The following PSEN1 variants were observed in gnomAD, a reference collection of about 807,000 sequenced individuals.
The protein encoded by PSEN1 is presenilin 1, also known as presenilin-1.
A neutral mutation model predicts 53.5 loss-of-function variants in PSEN1; 15 were observed. That is an observed-to-expected ratio of 0.28 (90% CI 0.19 to 0.43). The LOEUF (loss-of-function observed/expected upper bound fraction) is 0.43, where lower values mean the gene tolerates loss of function less well. Among genes scored for constraint, PSEN1 ranks in the 20% least tolerant of loss-of-function variants. PSEN1 has a pLI of 1.00. For synonymous variants in PSEN1, 208 were observed against 209.8 expected (o/e 0.99, Z 0.08); for missense variants, 387 against 571.2 (o/e 0.68, Z 3.29).
At chr14:73,194,826 CCAAAGTGTTG>C (rs1371795226) in intron 7 of PSEN1, among the ~76,000 whole-genome samples, 1 of 152,104 alleles carries the variant, frequency 6.6e-6, no homozygotes, top group Non-Finnish European at 1.5e-5. Context: ...CCTCGGCCTC[CCAAAGTGTTG>C]GGATTACAGG....
chr14:73,187,725 T>C (rs1179504572), intron 6 of PSEN1, among the ~76,000 whole-genome samples: 1 of 152,178 alleles, frequency 6.6e-6, no homozygotes, highest in African/African-American at 2.4e-5. Context: ...GGAAATTCTG[T>C]TAAACCTTTA....
At chr14:73,138,159 A>T (rs147290304) in intron 1 of PSEN1, 209 of 151,462 alleles carry the variant, frequency 1.4e-3, no homozygotes, top group African/African-American at 4.8e-3. Context: ...CAAGGTGATT[A>T]TCCCTATTTT....
chr14:73,148,357 C>T (rs746371742), intron 3 of PSEN1, among the ~76,000 whole-genome samples: 10 of 152,178 alleles, frequency 6.6e-5, no homozygotes, highest in African/African-American at 9.7e-5. Context: ...AGGTGTGCAG[C>T]GCCTCATAGT....
In PSEN1 at chr14:73,220,048, A is replaced by T. The variant is rs1900083581; in HGVS notation, c.*759A>T. The T allele has an allele frequency of 6.6e-6, 1 of 152,318 alleles. No individual in the cohort carries two copies. Among genetic ancestry groups the T allele is most frequent in the African/African-American group, 2.4e-5 (1 of 41,452 alleles). 9.4% of individuals were successfully genotyped at this position (152,318 alleles called of 1,614,324 possible). ...TTTAACCTCAGGTTCCAAATTCAGTAAATTTTGGAAACAGTACAGCTATTT... is the reference window on the plus strand; with the variant it reads ...TTTAACCTCAGGTTCCAAATTCAGTTAATTTTGGAAACAGTACAGCTATTT... On this transcript the variant is annotated 3_prime_UTR_variant, in exon 12 of 12. Coordinates refer to ENST00000324501, the MANE Select transcript of PSEN1 (RefSeq NM_000021.4).
chr14:73,203,339 C>T (rs1899308661), intron 8 of PSEN1, among the ~76,000 whole-genome samples: 1 of 152,168 alleles, frequency 6.6e-6, no homozygotes, highest in Admixed American at 6.5e-5. Flanking sequence ...CTACCCGCCT[C>T]ACCCTCCCAA....
intron 5 of PSEN1, among the ~76,000 whole-genome samples, chr14:73,183,652 G>T (rs1235891209): frequency 6.6e-6 from 1 of 151,768 alleles, no homozygotes; most frequent in South Asian, 2.1e-4. Context: ...GGCAGAAGAA[G>T]TTTTCTTAGT....
chr14:73,173,883 C>A, intron 5 of PSEN1, 176 bp downstream of exon 5: 1 of 793,356 alleles, frequency 1.3e-6, no homozygotes, highest in Non-Finnish European at 2.1e-6. Flanking sequence ...AAAAAGGAAG[C>A]CAGGTGCATG....
intron 8 of PSEN1, among the ~76,000 whole-genome samples, chr14:73,199,536 T>C (rs1416068357): frequency 2.0e-5 from 3 of 152,226 alleles, no homozygotes; most frequent in Non-Finnish European, 4.4e-5. Context: ...TTAGATCATT[T>C]CCATTTATTT....
At chr14:73,141,340 G>A (rs1414786306) in intron 1 of PSEN1, among the ~76,000 whole-genome samples, 1 of 152,100 alleles carries the variant, frequency 6.6e-6, no homozygotes, top group Non-Finnish European at 1.5e-5. Flanking sequence ...CACCAAATGG[G>A]ATGTATCACT....
At position 73,160,932 on chromosome 14, in the gene PSEN1, A is replaced by G. The variant is rs148841069; in HGVS notation, c.88-9865A>G. Among the ~76,000 whole-genome samples, 11 of 111,532 alleles carry G rather than the reference A, an allele frequency of 9.9e-5. No individual in the cohort carries two copies. The East Asian group carries it at 3.2e-3, about 32-fold the overall frequency. The allele number at this position is 111,532 out of a possible 152,430, so 73.2% of individuals were successfully genotyped here. A position where few individuals can be genotyped will look rare whatever the true frequency, so the allele number is the denominator to read the frequency against. On this transcript the variant is annotated intron_variant, in intron 3 of 11. Transcript: ENST00000324501. ...ATGCTATTGTAGGACTTTTTAATGT[A>G]TTCTGGATATTAATCTCTTACCAGA...
At chr14:73,177,584 A>G (rs1341031501) in intron 5 of PSEN1, among the ~76,000 whole-genome samples, 1 of 151,864 alleles carries the variant, frequency 6.6e-6, no homozygotes, top group African/African-American at 2.4e-5. Context: ...ATTTGTTTTA[A>G]TTTTTCTTCC....
chr14:73,175,469 T>G (rs1406690016), intron 5 of PSEN1, among the ~76,000 whole-genome samples: 1 of 151,482 alleles, frequency 6.6e-6, no homozygotes, highest in Non-Finnish European at 1.5e-5. Context: ...TAGTAAGACC[T>G]ATCTCTACCA....
At chr14:73,147,548 C>G in intron 1 of PSEN1, 1 of 198,142 alleles carries the variant, frequency 5.0e-6, no homozygotes, top group Non-Finnish European at 1.1e-5. Flanking sequence ...GATTACTCAG[C>G]TCCCTTTGCT....
intron 1 of PSEN1, among the ~76,000 whole-genome samples, chr14:73,138,393 G>C (rs1311527660): frequency 1.3e-5 from 2 of 150,610 alleles, no homozygotes. Context: ...TAATTTTTTT[G>C]TATTTTTAGT....
At chr14:73,192,988 A>G (rs1595035274) in intron 7 of PSEN1, 124 bp downstream of exon 7, 2 of 790,038 alleles carry the variant, frequency 2.5e-6, no homozygotes, top group South Asian at 1.4e-5. Context: ...TCTTCAGTAA[A>G]TCATTAATTA....
chr14:73,165,603 C>T (rs903696160), intron 3 of PSEN1, among the ~76,000 whole-genome samples: 1 of 151,378 alleles, frequency 6.6e-6, no homozygotes, highest in African/African-American at 2.4e-5. Flanking sequence ...AAAAAATTAG[C>T]CAGGCATGGT....
rs767384146 is a variant in PSEN1, at chr14:73,173,743, GTTC to G, written c.480+42_480+44del. ...GACACAGATCTTTGCTTTCCACCCT[GTTC>G]TTCTTATGGTTGGGTATTCTTGTCA... On this transcript the variant is annotated intron_variant, in intron 5 of 11. Transcript: ENST00000324501. The G allele has an allele frequency of 3.4e-5, 55 of 1,609,364 alleles. No homozygotes were observed. In the African/African-American group the frequency reaches 5.7e-4, roughly 17 times the overall value.
chr14:73,154,218 C>T (rs1050207514), intron 3 of PSEN1, among the ~76,000 whole-genome samples: 2 of 151,992 alleles, frequency 1.3e-5, no homozygotes, highest in African/African-American at 4.8e-5. Flanking sequence ...TATTGAAAAA[C>T]GTTAGCATTT....
At chr14:73,154,647 A>C (rs545716734) in intron 3 of PSEN1, among the ~76,000 whole-genome samples, 46 of 152,300 alleles carry the variant, frequency 3.0e-4, no homozygotes, top group African/African-American at 1.1e-3. Flanking sequence ...AACAAAGTCC[A>C]AAACAAACTA....
Sources: gnomAD v4.1 joint callset for allele counts (sites outside exome capture counted in the v4.1 genomes callset) on GRCh38, gnomAD v4.1.1 for gene constraint, MANE v1.5 for transcripts, NCBI Gene and HGNC (gene_info 2026-07-23, HGNC 2026-07-21) for gene names.